FBXW9: variants seen among roughly 807,000 people sequenced by gnomAD.
FBXW9 encodes F-box/WD repeat-containing protein 9.
FBXW9 carries 38 observed loss-of-function variants against 55.8 expected under a neutral mutation model. The ratio of observed to expected loss-of-function variants is 0.68; its 90% CI spans 0.53 to 0.89. FBXW9 has a LOEUF of 0.89. FBXW9 is among the 40% of genes least tolerant of loss of function. FBXW9 has a pLI of 0.00. For synonymous variants in FBXW9, 289 were observed against 278.2 expected (o/e 1.04, Z -0.38); for missense variants, 590 against 619.4 (o/e 0.95, Z 0.50).
Position 12,696,425 on chromosome 19 carries a change from G to C in FBXW9, c.157C>G (p.Leu53Val). ...SGLAFSRPSQ[L>V]STPAASPSAS... ...CTCGGGGACGCGGCGGGTGTGGATA[G>C]CTGCGAGGGGCGCGAGAACGCCAGC... Residue 53 changes from leucine to valine, a missense_variant, in exon 1 of 10, where the codon CTA (leucine) becomes GTA (valine). By Grantham distance (32) the Leu-to-Val change is conservative (BLOSUM62 1). Transcript: ENST00000393261. 6.2e-7 allele frequency: 1 copy of C among 1,611,850 alleles called. No homozygotes were observed. Among genetic ancestry groups the C allele is most frequent in the South Asian group, 1.1e-5 (1 of 91,066 alleles).
At chr19:12,693,343 A>G (rs569927320) in intron 3 of FBXW9, among the ~76,000 whole-genome samples, 50 of 151,144 alleles carry the variant, frequency 3.3e-4, no homozygotes, top group African/African-American at 1.0e-3. Flanking sequence ...CCTGACGTCT[A>G]TTGAGCACCT....
Position 12,690,109 on chromosome 19 carries a change from G to A in FBXW9, c.885C>T (p.Ala295=), listed in dbSNP as rs777373986. 5.9e-5 allele frequency: 96 copies of A among 1,613,622 alleles called. No individual in the cohort carries two copies. In the Middle Eastern group the frequency reaches 6.7e-4, roughly 11 times the overall value. ...GCTGGTGCTTCAACAGGGCTGGGCC[G>A]GCTTCATGGGTGATGGGCCGGTGAG... ...DKKVTIYDPR[A]GPALLKHQQL... Residue 295 remains alanine (A), a splice_region_variant and synonymous_variant, in exon 6 of 10, where the codon GCC becomes GCT. Coordinates refer to ENST00000393261, the MANE Select transcript of FBXW9 (RefSeq NM_032301.3).
chr19:12,689,369 T>C lies in FBXW9; in HGVS notation c.1302+3A>G, dbSNP rs1568324512. On this transcript the variant is annotated splice_donor_region_variant and intron_variant, in intron 9 of 9. Transcript: ENST00000393261. This position sits in a 1 kb window ranked among gnomAD's most constrained non-coding sequence, Gnocchi z 5.9. ...GGGCAGGGCACATGGGGCAGGACCT[T>C]ACCCTATTGAGCCCATTGTCATGCC... The C allele has an allele frequency of 1.9e-6, 3 of 1,614,162 alleles. No individual in the cohort carries two copies. Among genetic ancestry groups the C allele is most frequent in the East Asian group, 4.5e-5 (2 of 44,874 alleles).
At position 12,689,313 on chromosome 19, in the gene FBXW9, G is replaced by T; in HGVS notation, c.1303-23C>A. ...GACCTGGGAAGGGGGAGGAACATGAGGAGTCAGGGACGATGGCGCTCTGGC... is the reference window on the plus strand; with the variant it reads ...GACCTGGGAAGGGGGAGGAACATGATGAGTCAGGGACGATGGCGCTCTGGC... On this transcript the variant is annotated intron_variant, in intron 9 of 9. Transcript: ENST00000393261. This position sits in a 1 kb window ranked among gnomAD's most constrained non-coding sequence, Gnocchi z 5.9. 1 of 1,614,216 alleles carries T rather than the reference G, an allele frequency of 6.2e-7. No homozygotes were observed. The highest frequency in any genetic ancestry group is 8.5e-7 in the Non-Finnish European group (1 of 1,180,024).
chr19:12,696,399 GCT>G lies in FBXW9; in HGVS notation c.181_182del (p.Ser61ArgfsTer15). 2 of 1,611,850 alleles carry G rather than the reference GCT, an allele frequency of 1.2e-6. No individual in the cohort carries two copies. Among genetic ancestry groups the G allele is most frequent in the Non-Finnish European group, 1.7e-6 (2 of 1,179,548 alleles). On this transcript the variant is annotated frameshift_variant, in exon 1 of 10. Transcript: ENST00000393261. LOFTEE classifies it high-confidence loss of function. The part of the protein sequence containing the change: ...SQLSTPAASP[S>X]ASEPRAASRV... Reference sequence around the variant, plus strand: ...TGGACGCGGCCCGAGGCTCCGAAGCGCTCGGGGACGCGGCGGGTGTGGATAGC... The same window carrying G: ...TGGACGCGGCCCGAGGCTCCGAAGCGCGGGGACGCGGCGGGTGTGGATAGC...
At chr19:12,692,667 G>A (rs1488748012) in intron 3 of FBXW9, among the ~76,000 whole-genome samples, 1 of 151,810 alleles carries the variant, frequency 6.6e-6, no homozygotes, top group Non-Finnish European at 1.5e-5. Flanking sequence ...GACTACAGGT[G>A]CCCACGCACC....
rs1259521159 is a variant in FBXW9 at position 12,689,056 on chromosome 19, G to C, written c.*160C>G. ...AACCCCAATTTCACCCTTCCCCCGG[G>C]CATAGGGCCCAGGCCAGGACGCTCA... On this transcript the variant is annotated 3_prime_UTR_variant, in exon 10 of 10. Transcript: ENST00000393261. This position sits in a 1 kb window ranked among gnomAD's most constrained non-coding sequence, Gnocchi z 5.9. The C allele has an allele frequency of 1.4e-6, 1 of 728,556 alleles. No homozygotes were observed. Among genetic ancestry groups the C allele is most frequent in the Non-Finnish European group, 2.5e-6 (1 of 406,730 alleles). 45.1% of individuals were successfully genotyped at this position (728,556 alleles called of 1,614,324 possible).
rs1345339211 is a variant in FBXW9, at chr19:12,693,530, ATATAT to A, written c.678+1059_678+1063del. Among the ~76,000 whole-genome samples, 11 of 9,596 alleles carry A rather than the reference ATATAT, an allele frequency of 1.1e-3. 2 individuals are homozygous for A. Among genetic ancestry groups the A allele is most frequent in the African/African-American group, 2.5e-3 (4 of 1,624 alleles). 6.3% of individuals were successfully genotyped at this position (9,596 alleles called of 152,430 possible). ...AAAAAAAAAAAAAAAAAAAAAAAAA[ATATAT>A]ATATATATATATATATATATATATA... On this transcript the variant is annotated intron_variant, in intron 3 of 9. Coordinates refer to ENST00000393261, the MANE Select transcript of FBXW9 (RefSeq NM_032301.3).
Position 12,689,459 on chromosome 19 carries a change from G to A in FBXW9, c.1237-22C>T, listed in dbSNP as rs1379310604. The A allele has an allele frequency of 6.2e-7, 1 of 1,614,208 alleles. No homozygotes were observed. Among genetic ancestry groups the A allele is most frequent in the Non-Finnish European group, 8.5e-7 (1 of 1,180,030 alleles). On this transcript the variant is annotated intron_variant, in intron 8 of 9. Coordinates refer to ENST00000393261, the MANE Select transcript of FBXW9 (RefSeq NM_032301.3). The surrounding 1 kb of genome is among the most constrained non-coding windows in gnomAD (Gnocchi z 5.9). ...GCACCTAGTGAGGGGCAATGGGCGA[G>A]GTCAAGAGGTGTGCCCCTGGCTGAT...
chr19:12,696,412 G>C lies in FBXW9; in HGVS notation c.170C>G (p.Ala57Gly), dbSNP rs772206895. ...AGGCTCCGAAGCGCTCGGGGACGCG[G>C]CGGGTGTGGATAGCTGCGAGGGGCG... ...FSRPSQLSTP[A>G]ASPSASEPRA... Residue 57 changes from alanine to glycine, a missense_variant, in exon 1 of 10, where the codon GCC (alanine) becomes GGC (glycine). Physicochemically the swap from Ala to Gly is moderately conservative, Grantham distance 60. Coordinates refer to ENST00000393261, the MANE Select transcript of FBXW9 (RefSeq NM_032301.3). 6.2e-7 allele frequency: 1 copy of C among 1,611,620 alleles called. No individual in the cohort carries two copies. The highest frequency in any genetic ancestry group is 8.5e-7 in the Non-Finnish European group (1 of 1,179,590).
At chr19:12,696,144 C>T in intron 1 of FBXW9, 29 bp downstream of exon 1, 1 of 1,457,720 alleles carries the variant, frequency 6.9e-7, no homozygotes, top group East Asian at 2.5e-5. Flanking sequence ...GCCCCCGGCC[C>T]CCGGTCCCCG....
At position 12,694,843 on chromosome 19, in the gene FBXW9, C is replaced by A. The variant is rs2025055107; in HGVS notation, c.505G>T (p.Ala169Ser). The A allele has an allele frequency of 1.2e-6, 2 of 1,613,972 alleles. No individual in the cohort carries two copies. Among genetic ancestry groups the A allele is most frequent in the South Asian group, 1.1e-5 (1 of 91,076 alleles). Residue 169 changes from alanine (A) to serine (S), a missense_variant, in exon 2 of 10, where the codon GCC becomes TCC. By Grantham distance (99) the Ala-to-Ser change is moderately conservative. Coordinates refer to ENST00000393261, the MANE Select transcript of FBXW9 (RefSeq NM_032301.3). ...DGRWVEYFCL[A>S]EGHVASVDSV... ...TCAACGGAAGCCACGTGGCCTTCGG[C>A]CAGGCAGAAGTATTCGACCCAGCGC...
At position 12,689,666 on chromosome 19, in the gene FBXW9, C is replaced by T; in HGVS notation, c.1147-36G>A. On this transcript the variant is annotated intron_variant, in intron 7 of 9. Transcript: ENST00000393261. The surrounding 1 kb of genome is among the most constrained non-coding windows in gnomAD (Gnocchi z 5.9). ...AGGATCAGGCAACACTCAGTCGAGG[C>T]TCTCCCAAGGCCCGCCCTCCCCCAC... The T allele has an allele frequency of 6.2e-7, 1 of 1,611,416 alleles. No homozygotes were observed.
At chr19:12,693,463 A>AGCCTG (rs2025029327) in intron 3 of FBXW9, among the ~76,000 whole-genome samples, 1 of 135,500 alleles carries the variant, frequency 7.4e-6, no homozygotes, top group African/African-American at 2.8e-5. Context: ...GTTTGAGACC[A>AGCCTG]GCCTGGCCAA....
chr19:12,696,598 C>A lies in FBXW9; in HGVS notation c.-17G>T, dbSNP rs199776144. 72 of 1,602,534 alleles carry A rather than the reference C, an allele frequency of 4.5e-5. No individual in the cohort carries two copies. In the African/African-American group the frequency reaches 8.3e-4, roughly 18 times the overall value. ...AAGCTCCATTGCGACCGGGTGGGCG[C>A]TGCCGGCCTCGCGTCTTGTCTCCTA... On this transcript the variant is annotated 5_prime_UTR_variant, in exon 1 of 10. Transcript: ENST00000393261.
intron 5 of FBXW9, 59 bp downstream of exon 5, chr19:12,691,107 C>G: frequency 7.1e-7 from 1 of 1,411,696 alleles, no homozygotes; most frequent in Non-Finnish European, 1.0e-6. Flanking sequence ...TGTGAAGCCC[C>G]AGTGTCTCCT....
Position 12,691,151 on chromosome 19 carries a change from G to A in FBXW9, c.883+15C>T, listed in dbSNP as rs770085587. 2.7e-5 allele frequency: 44 copies of A among 1,611,514 alleles called. No homozygotes were observed. The South Asian group carries it at 4.6e-4, about 17-fold the overall frequency. On this transcript the variant is annotated intron_variant, in intron 5 of 9. Transcript: ENST00000393261. ...ATGACATCTCCCAACCTGGGCCCCA[G>A]GACCCTTGGCCCACCTCTGGGGTCG...
chr19:12,696,324 C>A lies in FBXW9; in HGVS notation c.258G>T (p.Leu86=). 1 of 1,590,130 alleles carries A rather than the reference C, an allele frequency of 6.3e-7. No homozygotes were observed. The highest frequency in any genetic ancestry group is 8.6e-7 in the Non-Finnish European group (1 of 1,169,070). Residue 86 remains leucine, a synonymous_variant, in exon 1 of 10, where the codon CTG becomes CTT. Transcript: ENST00000393261. ...CCAGGTAGGAGCAGATCTCGAGCAG[C>A]AGCTCCGGGGGAAGGCTCAGAAGGC... ...EPGLLSLPPE[L]LLEICSYLDA...
Position 12,693,586 on chromosome 19 carries a change from ACACACACACACACACACAC to A in FBXW9, c.678+989_678+1007del, listed in dbSNP as rs1568326354. Among the ~76,000 whole-genome samples the A allele has an allele frequency of 1.7e-3, 196 of 115,490 alleles. 23 individuals carry two copies. Among genetic ancestry groups the A allele is most frequent in the African/African-American group, 8.1e-3 (158 of 19,392 alleles). 75.8% of individuals were successfully genotyped at this position (115,490 alleles called of 152,430 possible). A position where few individuals can be genotyped will look rare whatever the true frequency, so the allele number is the denominator to read the frequency against. ...TACACACACACACACACACACACAC[ACACACACACACACACACAC>A]ACAAAAGAAATTAGCTGGGCATGGT... On this transcript the variant is annotated intron_variant, in intron 3 of 9. Coordinates refer to ENST00000393261, the MANE Select transcript of FBXW9 (RefSeq NM_032301.3).
Sources: allele counts gnomAD v4.1 joint callset (sites outside exome capture counted in the v4.1 genomes callset), GRCh38; gene constraint gnomAD v4.1.1; non-coding constraint Gnocchi (gnomAD v3.1); transcripts MANE v1.5; gene names NCBI Gene and HGNC (gene_info 2026-07-23, HGNC 2026-07-21).